CCDC42: variants seen among roughly 807,000 people sequenced by gnomAD.
CCDC42 encodes the protein coiled-coil domain containing 42.
CCDC42 carries 38 observed loss-of-function variants against 40.8 expected under a neutral mutation model. The ratio of observed to expected loss-of-function variants is 0.93; its 90% CI spans 0.72 to 1.22. The LOEUF is 1.22. CCDC42 is among the 50% of genes most tolerant of loss of function. CCDC42 has a pLI of 0.00. For missense variants in CCDC42, 379 were observed against 416.5 expected (o/e 0.91, Z 0.78); for synonymous variants, 135 against 157.5 (o/e 0.86, Z 1.07).
rs145517396 is a variant in CCDC42, at chr17:8,730,995, G to A, written c.874-788C>T. ...AAAAGGAATGTAAATTCTGTTCACCGCCTTCTGTTTTGTAAAGAGCACGCA... is the reference window on the plus strand; with the variant it reads ...AAAAGGAATGTAAATTCTGTTCACCACCTTCTGTTTTGTAAAGAGCACGCA... On this transcript the variant is annotated intron_variant, in intron 6 of 6. Coordinates refer to ENST00000293845, the MANE Select transcript of CCDC42 (RefSeq NM_144681.3). Among the ~76,000 whole-genome samples, 193 of 152,272 alleles carry A rather than the reference G, an allele frequency of 1.3e-3. 2 individuals carry two copies. The South Asian group carries it at 0.022, about 18-fold the overall frequency.
At position 8,735,986 on chromosome 17, in the gene CCDC42, C is replaced by G. The variant is rs116945138; in HGVS notation, c.493-375G>C. Among the ~76,000 whole-genome samples the G allele has an allele frequency of 6.6e-6, 1 of 152,170 alleles. No individual in the cohort carries two copies. Among genetic ancestry groups the G allele is most frequent in the Non-Finnish European group, 1.5e-5 (1 of 68,030 alleles). On this transcript the variant is annotated intron_variant, in intron 4 of 6. Coordinates refer to ENST00000293845, the MANE Select transcript of CCDC42 (RefSeq NM_144681.3). The surrounding 1 kb of genome is among the most constrained non-coding windows in gnomAD (Gnocchi z 4.7). ...GCATCTGAATTTTGCAAAAGGTCCCCTGGTGGCTCTAGGCACAGCCAGGGT... is the reference window on the plus strand; with the variant it reads ...GCATCTGAATTTTGCAAAAGGTCCCGTGGTGGCTCTAGGCACAGCCAGGGT...
chr17:8,734,861 C>G (rs1373175135), intron 6 of CCDC42, among the ~76,000 whole-genome samples: 1 of 152,224 alleles, frequency 6.6e-6, no homozygotes, highest in Non-Finnish European at 1.5e-5. Context: ...AGCAGCGTCA[C>G]TTGGGAACTT....
intron 6 of CCDC42, among the ~76,000 whole-genome samples, chr17:8,732,130 C>T (rs940856522): frequency 2.1e-4 from 32 of 152,202 alleles, no homozygotes; most frequent in African/African-American, 7.0e-4. Context: ...GAAACCCCGT[C>T]TCTACTAAAA....
rs961995886 is a variant in CCDC42, at chr17:8,744,070, A to C, written c.189+9T>G. ...CCTGCCCCTCTGCACTCCATCCCTG[A>C]GTCCCCACCTTCTTCTTCTGCACCA... is the stretch of plus-strand genomic sequence containing the variant. On this transcript the variant is annotated intron_variant, in intron 2 of 6. Coordinates refer to ENST00000293845, the MANE Select transcript of CCDC42 (RefSeq NM_144681.3). 1 of 1,600,190 alleles carries C rather than the reference A, an allele frequency of 6.2e-7. No homozygotes were observed. The highest frequency in any genetic ancestry group is 1.7e-4 in the Middle Eastern group (1 of 6,016).
chr17:8,733,615 C>T (rs986052275), intron 6 of CCDC42, among the ~76,000 whole-genome samples: 25 of 152,134 alleles, frequency 1.6e-4, no homozygotes, highest in African/African-American at 5.6e-4. Flanking sequence ...CTCAGCCTCC[C>T]GAGTAGCTGG....
chr17:8,733,689 C>T (rs2152142257), intron 6 of CCDC42, among the ~76,000 whole-genome samples: 1 of 152,198 alleles, frequency 6.6e-6, no homozygotes, highest in Non-Finnish European at 1.5e-5. Flanking sequence ...TGGGGTTTCA[C>T]CATGTTGGCC....
At chr17:8,733,977 C>G (rs963781458) in intron 6 of CCDC42, among the ~76,000 whole-genome samples, 6 of 150,230 alleles carry the variant, frequency 4.0e-5, no homozygotes, top group Admixed American at 1.3e-4. Flanking sequence ...CTCTTATTCT[C>G]TCATGAGCAC....
chr17:8,735,626 T>C lies in CCDC42; in HGVS notation c.493-15A>G, dbSNP rs758587213. Reference sequence around the variant, plus strand: ...ATCTCCTCGAACTGTGGTCAGGGGCTCAGGTCAATGCACAGCCAGCCCCTG... The same window carrying C: ...ATCTCCTCGAACTGTGGTCAGGGGCCCAGGTCAATGCACAGCCAGCCCCTG... On this transcript the variant is annotated splice_polypyrimidine_tract_variant and intron_variant, in intron 4 of 6. Coordinates refer to ENST00000293845, the MANE Select transcript of CCDC42 (RefSeq NM_144681.3). This position sits in a 1 kb window ranked among gnomAD's most constrained non-coding sequence, Gnocchi z 4.7. The C allele has an allele frequency of 6.2e-7, 1 of 1,609,606 alleles. No homozygotes were observed. Among genetic ancestry groups the C allele is most frequent in the Non-Finnish European group, 8.5e-7 (1 of 1,177,160 alleles).
chr17:8,743,562 G>T, intron 3 of CCDC42, 64 bp downstream of exon 3: 1 of 903,198 alleles, frequency 1.1e-6, no homozygotes, highest in Non-Finnish European at 1.9e-6. Context: ...GAGGAGGAGT[G>T]CAGTTTGCCC....
chr17:8,739,305 A>C (rs1597345722), intron 4 of CCDC42, among the ~76,000 whole-genome samples: 1 of 152,202 alleles, frequency 6.6e-6, no homozygotes, highest in East Asian at 1.9e-4. Flanking sequence ...GGGAGGAGCC[A>C]AGGAGGCCTG....
intron 6 of CCDC42, among the ~76,000 whole-genome samples, chr17:8,734,837 A>G (rs2086600138): frequency 2.6e-5 from 4 of 152,188 alleles, no homozygotes; most frequent in Non-Finnish European, 5.9e-5. Context: ...TTCTCAAAGT[A>G]TGGAACCCGA....
In CCDC42 at chr17:8,741,583, C is replaced by T. The variant is rs142451736; in HGVS notation, c.383G>A (p.Arg128His). The change falls in exon 4 of 7, where the codon CGC (arginine) becomes CAC (histidine). Residue 128 changes from arginine (R) to histidine (H), a missense_variant. Arg to His is a conservative substitution (Grantham distance 29, BLOSUM62 0). Transcript: ENST00000293845. ...CCGCAGCGCCACCATCTCCTGCTTG[C>T]GCTTGGTCAGCTCCTGCATGTGCTG... Reference protein sequence around the residue: ...KCQHMQELTKRKQEMVALRLE... With the variant: ...KCQHMQELTKHKQEMVALRLE... The T allele has an allele frequency of 2.8e-5, 46 of 1,614,196 alleles. No homozygotes were observed. Among genetic ancestry groups the T allele is most frequent in the Admixed American group, 1.5e-4 (9 of 60,032 alleles).
chr17:8,743,744 G>A lies in CCDC42; in HGVS notation c.190-14C>T. The A allele has an allele frequency of 3.4e-6, 5 of 1,478,478 alleles. No homozygotes were observed. Among genetic ancestry groups the A allele is most frequent in the Non-Finnish European group, 3.8e-6 (4 of 1,056,954 alleles). 91.6% of individuals were successfully genotyped at this position (1,478,478 alleles called of 1,614,324 possible). A position where few individuals can be genotyped will look rare whatever the true frequency, so the allele number is the denominator to read the frequency against. ...GCGCTGAAACATCTTTGGGGTGGGGGTGGGAGAGCAGAGAGGTCAGGAGGG... is the reference window on the plus strand; with the variant it reads ...GCGCTGAAACATCTTTGGGGTGGGGATGGGAGAGCAGAGAGGTCAGGAGGG... On this transcript the variant is annotated splice_polypyrimidine_tract_variant and intron_variant, in intron 2 of 6. Transcript: ENST00000293845.
chr17:8,739,123 G>C (rs60363471), intron 4 of CCDC42, among the ~76,000 whole-genome samples: 8,160 of 152,266 alleles, frequency 0.054, 463 homozygotes, highest in East Asian at 0.18. Context: ...GAGAAAGAGA[G>C]GGGGGCTGGG....
Position 8,735,608 on chromosome 17 carries a change from C to T in CCDC42, c.496G>A (p.Glu166Lys), listed in dbSNP as rs767314074. ...CGTGCAATCACCTCATGGATCTCCT[C>T]GAACTGTGGTCAGGGGCTCAGGTCA... is the stretch of plus-strand genomic sequence containing the variant. ...LEKVVENSEF[E>K]EIHEVIARYK... is the part of the protein sequence containing the mutation. Residue 166 changes from glutamate to lysine, a missense_variant, in exon 5 of 7, where the codon GAG (glutamate) becomes AAG (lysine). Glu to Lys is a moderately conservative substitution (Grantham distance 56). Coordinates refer to ENST00000293845, the MANE Select transcript of CCDC42 (RefSeq NM_144681.3). This position sits in a 1 kb window ranked among gnomAD's most constrained non-coding sequence, Gnocchi z 4.7. The T allele has an allele frequency of 4.9e-5, 79 of 1,613,212 alleles. 2 individuals are homozygous for T. The Admixed American group carries it at 1.0e-3, about 21-fold the overall frequency.
intron 4 of CCDC42, among the ~76,000 whole-genome samples, chr17:8,739,567 A>G (rs1331729799): frequency 6.6e-6 from 1 of 152,070 alleles, no homozygotes; most frequent in African/African-American, 2.4e-5. Context: ...TTTGAGACGG[A>G]GTTTCGCTCT....
Position 8,735,209 on chromosome 17 carries a change from G to A in CCDC42, c.760C>T (p.Leu254Phe). 6.2e-7 allele frequency: 1 copy of A among 1,614,190 alleles called. No individual in the cohort carries two copies. Among genetic ancestry groups the A allele is most frequent in the Non-Finnish European group, 8.5e-7 (1 of 1,180,028 alleles). ...HIQNTAAKKTLLLGTIKMATL... is the reference protein window; with the variant it reads ...HIQNTAAKKTFLLGTIKMATL... The stretch of plus-strand genomic sequence containing the variant: ...GCCATCTTAATGGTGCCAAGCAGGA[G>A]GGTCTTCTTGGCTGCGGTGTTCTGG... The change falls in exon 6 of 7, where the codon CTC (leucine) becomes TTC (phenylalanine). Residue 254 changes from leucine to phenylalanine, a missense_variant. Coordinates refer to ENST00000293845, the MANE Select transcript of CCDC42 (RefSeq NM_144681.3). This position sits in a 1 kb window ranked among gnomAD's most constrained non-coding sequence, Gnocchi z 4.7.
rs563017574 is a variant in CCDC42 at position 8,741,751 on chromosome 17, G to C, written c.295-80C>G. 2.2e-5 allele frequency: 30 copies of C among 1,375,938 alleles called. 1 individual carries two copies. Among genetic ancestry groups the C allele is most frequent in the South Asian group, 2.0e-4 (16 of 80,758 alleles). The allele number at this position is 1,375,938 out of a possible 1,614,324, so 85.2% of individuals were successfully genotyped here. A position where few individuals can be genotyped will look rare whatever the true frequency, so the allele number is the denominator to read the frequency against. On this transcript the variant is annotated intron_variant, in intron 3 of 6. Coordinates refer to ENST00000293845, the MANE Select transcript of CCDC42 (RefSeq NM_144681.3). ...CCCAGGCCTTCCTGGGGCTGGTGGT[G>C]CCCTCAGACCCCTCTGTCTGCACAA...
At chr17:8,740,682 C>T (rs541461651) in intron 4 of CCDC42, among the ~76,000 whole-genome samples, 60 of 152,126 alleles carry the variant, frequency 3.9e-4, no homozygotes, top group African/African-American at 1.3e-3. Context: ...CAGTGTCAGA[C>T]GCTGCCCCCA....
Sources: allele counts gnomAD v4.1 joint callset (sites outside exome capture counted in the v4.1 genomes callset), GRCh38; gene constraint gnomAD v4.1.1; non-coding constraint Gnocchi (gnomAD v3.1); transcripts MANE v1.5; gene names NCBI Gene and HGNC (gene_info 2026-07-23, HGNC 2026-07-21).